Variants in ANHX observed in about 807,000 individuals in gnomAD.
The protein encoded by ANHX is anomalous homeobox protein.
Under a neutral mutation model 38.9 loss-of-function variants are expected in ANHX, and 20 were observed. The observed-to-expected ratio is 0.51, with a 90% CI of 0.36 to 0.75. ANHX has a LOEUF of 0.75. ANHX is among the 30% of genes least tolerant of loss of function. ANHX has a pLI of 0.00. For synonymous variants in ANHX, 185 were observed against 203.1 expected, an observed-to-expected ratio of 0.91 and a Z score of 0.76; for missense variants, 475 against 493.1, an observed-to-expected ratio of 0.96 and a Z score of 0.35.
intron 7 of ANHX, among the ~76,000 whole-genome samples, chr12:133,225,172 G>A (rs867649368): frequency 6.6e-6 from 1 of 152,054 alleles, no homozygotes; most frequent in Non-Finnish European, 1.5e-5. Flanking sequence ...CAGGCTAAGG[G>A]GGGTGGACAA....
chr12:133,225,347 A>T (rs1957176775), intron 7 of ANHX, among the ~76,000 whole-genome samples, 189 bp downstream of exon 7: 1 of 151,844 alleles, frequency 6.6e-6, no homozygotes, highest in Admixed American at 6.6e-5. Context: ...ACACACAATA[A>T]AACAGATGAG....
At chr12:133,219,041 C>T in intron 9 of ANHX, 70 bp from the exon 10 acceptor site, 2 of 1,399,316 alleles carry the variant, frequency 1.4e-6, no homozygotes, top group East Asian at 2.5e-5. Flanking sequence ...CCCACCTGGG[C>T]ACCTCCTGAC....
intron 7 of ANHX, among the ~76,000 whole-genome samples, chr12:133,225,172 G>T (rs867649368): frequency 5.9e-5 from 9 of 152,054 alleles, no homozygotes; most frequent in Admixed American, 6.6e-5. Flanking sequence ...CAGGCTAAGG[G>T]GGGTGGACAA....
chr12:133,226,419 C>T lies in ANHX; in HGVS notation c.738G>A (p.Gly246=). 2.6e-6 allele frequency: 4 copies of T among 1,534,890 alleles called. No homozygotes were observed. Among genetic ancestry groups the T allele is most frequent in the Non-Finnish European group, 3.5e-6 (4 of 1,146,128 alleles). The change falls in exon 6 of 10, where the codon GGG becomes GGA. Residue 246 remains glycine, a synonymous_variant. Transcript: ENST00000545940. ...GGGTGGTCTGTGGGGACTGTGGAGGCCCCTTTTCCTCACGTTCCTCTGAAA... is the reference window on the plus strand; with the variant it reads ...GGGTGGTCTGTGGGGACTGTGGAGGTCCCTTTTCCTCACGTTCCTCTGAAA... ...PQWSEEREEK[G]PPQSPQTTQG... is the part of the protein sequence containing the mutation.
At position 133,221,211 on chromosome 12, in the gene ANHX, G is replaced by C; in HGVS notation, c.1274C>G (p.Thr425Ser). 1 of 1,536,050 alleles carries C rather than the reference G, an allele frequency of 6.5e-7. No individual in the cohort carries two copies. The highest frequency in any genetic ancestry group is 1.4e-5 in the African/African-American group (1 of 73,142). Residue 425 changes from threonine to serine, a missense_variant, in exon 8 of 10, where the codon ACC becomes AGC. Physicochemically the swap from Thr to Ser is moderately conservative, Grantham distance 58. Coordinates refer to ENST00000545940, the MANE Select transcript of ANHX (RefSeq NM_001372060.1). The surrounding 1 kb of genome is among the most constrained non-coding windows in gnomAD (Gnocchi z 4.1). ...GTGGCTCTTCAGGGCTTACCTCTGG[G>C]TGAGGATGAATTCAGGAGCTTGCAG... ...PPLQAPEFILTQSPPELAPAP... is the reference protein window; with the variant it reads ...PPLQAPEFILSQSPPELAPAP...
At chr12:133,222,026 A>G (rs1323127441) in intron 7 of ANHX, among the ~76,000 whole-genome samples, 1 of 152,110 alleles carries the variant, frequency 6.6e-6, no homozygotes, top group Non-Finnish European at 1.5e-5. Context: ...GGTGAGGCTC[A>G]TGTGGTCCTC....
rs1202660862 is a variant in ANHX, at chr12:133,227,119, C to T, written c.535G>A (p.Glu179Lys). 1 of 1,535,940 alleles carries T rather than the reference C, an allele frequency of 6.5e-7. No individual in the cohort carries two copies. The highest frequency in any genetic ancestry group is 1.4e-5 in the African/African-American group (1 of 73,170). Reference protein sequence around the residue: ...NLALETSLTPEQVYNWFANYR... With the variant: ...NLALETSLTPKQVYNWFANYR... ...TTGGCAAACCAGTTGTACACCTGCT[C>T]AGGGGTCAAGCTCGTCTCCAATGCC... Residue 179 changes from glutamate (E) to lysine (K), a missense_variant, in exon 5 of 10, where the codon GAG becomes AAG. By Grantham distance (56) the Glu-to-Lys change is moderately conservative. Coordinates refer to ENST00000545940, the MANE Select transcript of ANHX (RefSeq NM_001372060.1).
Position 133,234,308 on chromosome 12 carries a change from G to A in ANHX, c.49C>T (p.Pro17Ser). The A allele has an allele frequency of 6.5e-7, 1 of 1,536,140 alleles. No individual in the cohort carries two copies. The highest frequency in any genetic ancestry group is 8.7e-7 in the Non-Finnish European group (1 of 1,146,882). Residue 17 changes from proline (P) to serine (S), a missense_variant, in exon 2 of 10, where the codon CCC becomes TCC. Pro to Ser is a moderately conservative substitution (Grantham distance 74). Coordinates refer to ENST00000545940, the MANE Select transcript of ANHX (RefSeq NM_001372060.1). ...LLKEHEDTCAPPAELVTLAGR... is the reference protein window; with the variant it reads ...LLKEHEDTCASPAELVTLAGR... ...GCAAGGGTCACCAGCTCCGCCGGGG[G>A]TGCACAGGTGTCCTCATGCTCCTTC...
rs1957111707 is a variant in ANHX, at chr12:133,221,800, A to T, written c.1133-448T>A. On this transcript the variant is annotated intron_variant, in intron 7 of 9. Transcript: ENST00000545940. This position sits in a 1 kb window ranked among gnomAD's most constrained non-coding sequence, Gnocchi z 4.1. ...GTTACCAAGATGTCACTGAGGTATA[A>T]GCTGTCACTAGTTTCCCCTCCCTTT... Among the ~76,000 whole-genome samples the T allele has an allele frequency of 6.6e-6, 1 of 152,158 alleles. No individual in the cohort carries two copies. Among genetic ancestry groups the T allele is most frequent in the Admixed American group, 6.5e-5 (1 of 15,270 alleles).
chr12:133,226,192 G>A, intron 6 of ANHX, 126 bp downstream of exon 6: 1 of 1,456,782 alleles, frequency 6.9e-7, no homozygotes, highest in Non-Finnish European at 9.2e-7. Flanking sequence ...CTCTCCCTGG[G>A]GTCTGACCTG....
In ANHX at chr12:133,232,839, G is replaced by A. The variant is rs575503987; in HGVS notation, c.250-1195C>T. 7.2e-4 allele frequency among the ~76,000 whole-genome samples: 110 copies of A among 152,306 alleles called. 4 individuals are homozygous for A. The South Asian group carries it at 0.022, about 30-fold the overall frequency. ...CCTGCTAGGTTCTAGGTGTCGTGCT[G>A]TGTGTCAGCCAATCTTGCAGTGAGA... On this transcript the variant is annotated intron_variant, in intron 2 of 9. Transcript: ENST00000545940.
At chr12:133,227,970 T>A (rs1490401113) in intron 3 of ANHX, 23 bp from the exon 4 acceptor site, 1 of 1,533,184 alleles carries the variant, frequency 6.5e-7, no homozygotes, top group South Asian at 1.2e-5. Flanking sequence ...AGTGAGGAGG[T>A]GGTAACAGAC....
chr12:133,219,388 G>T, intron 8 of ANHX, 21 bp from the exon 9 acceptor site: 2 of 1,481,794 alleles, frequency 1.3e-6, no homozygotes, highest in South Asian at 2.6e-5. Flanking sequence ...GACAGTGTAA[G>T]AATAGGCCCT....
At chr12:133,225,030 C>T (rs1437323767) in intron 7 of ANHX, among the ~76,000 whole-genome samples, 3 of 151,886 alleles carry the variant, frequency 2.0e-5, no homozygotes, top group Admixed American at 1.3e-4. Context: ...CTCCAGTTTC[C>T]TCCTTACAAA....
In ANHX at chr12:133,218,773, T is replaced by C. The variant is rs945549829; in HGVS notation, c.*112A>G. 2.2e-5 allele frequency: 16 copies of C among 735,236 alleles called. No homozygotes were observed. In the African/African-American group the frequency reaches 2.7e-4, roughly 12 times the overall value. The allele number at this position is 735,236 out of a possible 1,614,324, so 45.5% of individuals were successfully genotyped here. On this transcript the variant is annotated 3_prime_UTR_variant, in exon 10 of 10. Coordinates refer to ENST00000545940, the MANE Select transcript of ANHX (RefSeq NM_001372060.1). Reference sequence around the variant, plus strand: ...TTTTCAGCAGAGCCCCCAGGGGAACTCTGGGGACCTTCATTTTGTATTCAG... The same window carrying C: ...TTTTCAGCAGAGCCCCCAGGGGAACCCTGGGGACCTTCATTTTGTATTCAG...
At chr12:133,233,963 A>C in intron 2 of ANHX, 145 bp downstream of exon 2, 1 of 1,042,598 alleles carries the variant, frequency 9.6e-7, no homozygotes, top group Non-Finnish European at 1.3e-6. Flanking sequence ...CCTGCCTCCC[A>C]GGTTTTTCCA....
chr12:133,233,168 C>T (rs903070727), intron 2 of ANHX, among the ~76,000 whole-genome samples: 12 of 152,158 alleles, frequency 7.9e-5, no homozygotes, highest in Admixed American at 7.9e-4. Context: ...GTGGCCACTG[C>T]AGAGGAGGCT....
chr12:133,218,786 A>C lies in ANHX; in HGVS notation c.*99T>G. On this transcript the variant is annotated 3_prime_UTR_variant, in exon 10 of 10. Transcript: ENST00000545940. ...CCCCAGGGGAACTCTGGGGACCTTC[A>C]TTTTGTATTCAGGATAAAGCTCTGT... 1.1e-6 allele frequency: 1 copy of C among 888,990 alleles called. No individual in the cohort carries two copies. Among genetic ancestry groups the C allele is most frequent in the Non-Finnish European group, 1.6e-6 (1 of 644,500 alleles). 55.1% of individuals were successfully genotyped at this position (888,990 alleles called of 1,614,324 possible). A position where few individuals can be genotyped will look rare whatever the true frequency, so the allele number is the denominator to read the frequency against.
intron 6 of ANHX, 24 bp downstream of exon 6, chr12:133,226,294 C>T (rs1349347803): frequency 6.5e-7 from 1 of 1,536,102 alleles, no homozygotes; most frequent in Non-Finnish European, 8.7e-7. Context: ...TGAGATGATT[C>T]CATGGCCATG....
Sources: allele counts gnomAD v4.1 joint callset (sites outside exome capture counted in the v4.1 genomes callset), GRCh38; gene constraint gnomAD v4.1.1; non-coding constraint Gnocchi (gnomAD v3.1); transcripts MANE v1.5; gene names NCBI Gene and HGNC (gene_info 2026-07-23, HGNC 2026-07-21).